Variants in CMSS1 observed in about 807,000 individuals in gnomAD.
CMSS1 encodes protein CMSS1.
CMSS1 carries 33 observed loss-of-function variants against 43.5 expected under a neutral mutation model. The ratio of observed to expected loss-of-function variants is 0.76; its 90% CI spans 0.57 to 1.01. The LOEUF (loss-of-function observed/expected upper bound fraction) is 1.01, where lower values mean the gene tolerates loss of function less well. Among genes scored for constraint, CMSS1 ranks in the 50% least tolerant of loss-of-function variants. The pLI is 0.00. For missense variants in CMSS1, 313 were observed against 326.4 expected, an observed-to-expected ratio of 0.96 and a Z score of 0.32; for synonymous variants, 115 against 117.2, an observed-to-expected ratio of 0.98 and a Z score of 0.12.
rs79568630 is a variant in CMSS1, at chr3:99,860,880, G to A, written c.64+42837G>A. 5.5e-4 allele frequency among the ~76,000 whole-genome samples: 84 copies of A among 152,216 alleles called. 2 individuals carry two copies. In the East Asian group the frequency reaches 0.015, roughly 28 times the overall value. On this transcript the variant is annotated intron_variant, in intron 1 of 9. Coordinates refer to ENST00000421999, the MANE Select transcript of CMSS1 (RefSeq NM_032359.4). ...GGACAATGGATGTTCATTTAATACC[G>A]TGAATATTGTGCCTCTCCTATCACT...
chr3:99,829,864 T>C (rs2107482316), intron 1 of CMSS1, among the ~76,000 whole-genome samples: 1 of 152,346 alleles, frequency 6.6e-6, no homozygotes, highest in African/African-American at 2.4e-5. Flanking sequence ...TTCACTTTTG[T>C]TATGCTTTTC....
At chr3:99,891,852 A>G (rs2107615276) in intron 1 of CMSS1, among the ~76,000 whole-genome samples, 1 of 152,328 alleles carries the variant, frequency 6.6e-6, no homozygotes, top group Admixed American at 6.5e-5. Flanking sequence ...ATAAGGTCCA[A>G]CTATTAACAA....
At chr3:100,147,265 CTTTTTTTTTTTTTT>C (rs71132514) in intron 2 of CMSS1, among the ~76,000 whole-genome samples, 1 of 86,852 alleles carries the variant, frequency 1.2e-5, no homozygotes, top group East Asian at 3.3e-4. Flanking sequence ...AATTCTTTTT[CTTTTTTTTTTTTTT>C]TTTTTTTTTG....
chr3:100,092,098 C>G (rs975861729), intron 1 of CMSS1, among the ~76,000 whole-genome samples: 1 of 152,144 alleles, frequency 6.6e-6, no homozygotes, highest in African/African-American at 2.4e-5. Flanking sequence ...TAAAAATGTA[C>G]TCTGTAAAGA....
chr3:100,000,815 A>G (rs1432042422), intron 1 of CMSS1, among the ~76,000 whole-genome samples: 1 of 152,262 alleles, frequency 6.6e-6, no homozygotes, highest in East Asian at 1.9e-4. Flanking sequence ...GTGTACACAA[A>G]TAACATACAG....
chr3:100,067,335 G>A (rs182002156), intron 1 of CMSS1, among the ~76,000 whole-genome samples: 65 of 152,312 alleles, frequency 4.3e-4, no homozygotes, highest in Non-Finnish European at 6.6e-4. Flanking sequence ...TGGTGCAGGT[G>A]AAAGTCTAGA....
chr3:99,913,012 G>A (rs2107641202), intron 1 of CMSS1, among the ~76,000 whole-genome samples: 1 of 152,180 alleles, frequency 6.6e-6, no homozygotes, highest in Non-Finnish European at 1.5e-5. Flanking sequence ...GAGGTTAGAG[G>A]GGCATTCATG....
At chr3:100,043,850 G>A (rs757547664) in intron 1 of CMSS1, among the ~76,000 whole-genome samples, 2 of 152,146 alleles carry the variant, frequency 1.3e-5, no homozygotes, top group African/African-American at 2.4e-5. Flanking sequence ...TTTGAAATAT[G>A]CAGTATGTTA....
intron 1 of CMSS1, among the ~76,000 whole-genome samples, chr3:100,033,189 A>G (rs2107266163): frequency 6.6e-6 from 1 of 152,338 alleles, no homozygotes; most frequent in East Asian, 1.9e-4. Flanking sequence ...TTAAAACCTT[A>G]GAAAAAATCA....
intron 1 of CMSS1, among the ~76,000 whole-genome samples, chr3:100,084,576 C>T (rs575601733): frequency 6.6e-6 from 1 of 152,204 alleles, no homozygotes; most frequent in Non-Finnish European, 1.5e-5. Context: ...TTATGATAGC[C>T]GTGTCTCTTA....
At chr3:100,117,852 T>TATATAC (rs1232237863) in intron 1 of CMSS1, among the ~76,000 whole-genome samples, 12 of 90,480 alleles carry the variant, frequency 1.3e-4, no homozygotes, top group African/African-American at 5.1e-4. Context: ...TATATATATA[T>TATATAC]ACATATATAT....
chr3:99,881,660 G>A (rs979886391), intron 1 of CMSS1, among the ~76,000 whole-genome samples: 8 of 151,970 alleles, frequency 5.3e-5, no homozygotes, highest in Admixed American at 3.9e-4. Flanking sequence ...AGCCTCCCTA[G>A]TAGCTGGGAT....
intron 1 of CMSS1, among the ~76,000 whole-genome samples, chr3:100,037,224 T>C (rs2065122607): frequency 6.6e-6 from 1 of 151,948 alleles, no homozygotes; most frequent in African/African-American, 2.4e-5. Flanking sequence ...CTTAGGAAAA[T>C]ACATTGTAAT....
At chr3:99,954,825 CA>C (rs1370985161) in intron 1 of CMSS1, among the ~76,000 whole-genome samples, 4 of 137,860 alleles carry the variant, frequency 2.9e-5, no homozygotes, top group Non-Finnish European at 3.1e-5. Flanking sequence ...GACTCTGTCT[CA>C]AAAAAAAAGA....
At chr3:99,908,824 T>A (rs1383702105) in intron 1 of CMSS1, among the ~76,000 whole-genome samples, 1 of 152,186 alleles carries the variant, frequency 6.6e-6, no homozygotes, top group African/African-American at 2.4e-5. Flanking sequence ...GTATTTTTTG[T>A]ATAGAATATA....
chr3:99,842,772 C>T (rs1387282991), intron 1 of CMSS1, among the ~76,000 whole-genome samples: 2 of 152,148 alleles, frequency 1.3e-5, no homozygotes, highest in Non-Finnish European at 2.9e-5. Flanking sequence ...TTTATGGTGG[C>T]ATTCTAACTG....
intron 2 of CMSS1, 73 bp downstream of exon 2, chr3:100,147,134 C>T (rs1196537178): frequency 6.6e-7 from 1 of 1,511,604 alleles, no homozygotes; most frequent in African/African-American, 1.4e-5. Flanking sequence ...CTATTGAACT[C>T]CCCATGTCCT....
chr3:99,928,179 A>G (rs1707357086), intron 1 of CMSS1, among the ~76,000 whole-genome samples: 1 of 152,136 alleles, frequency 6.6e-6, no homozygotes, highest in Non-Finnish European at 1.5e-5. Flanking sequence ...CCCTCCCTTT[A>G]TTTTCTTCAG....
intron 1 of CMSS1, among the ~76,000 whole-genome samples, chr3:100,108,226 G>T (rs985582384): frequency 1.4e-4 from 22 of 152,138 alleles, no homozygotes; most frequent in African/African-American, 5.3e-4. Context: ...ACTAGGTCTT[G>T]TAGCATTTTT....
Sources: allele counts gnomAD v4.1 joint callset (sites outside exome capture counted in the v4.1 genomes callset), GRCh38; gene constraint gnomAD v4.1.1; transcripts MANE v1.5; gene names NCBI Gene and HGNC (gene_info 2026-07-23, HGNC 2026-07-21).